The following DIPK1C variants were observed in gnomAD, a reference collection of about 807,000 sequenced individuals.
DIPK1C encodes divergent protein kinase domain 1C.
DIPK1C carries 33 observed loss-of-function variants against 28.0 expected under a neutral mutation model. The ratio of observed to expected loss-of-function variants is 1.18; its 90% CI spans 0.89 to 1.58. DIPK1C has a LOEUF of 1.58. Ranked by LOEUF, DIPK1C falls within the 40% of genes most tolerant of loss-of-function variation. DIPK1C has a pLI of 0.00. For missense variants in DIPK1C, 569 were observed against 568.5 expected (o/e 1.00, Z -0.01); for synonymous variants, 255 against 248.8 (o/e 1.02, Z -0.23).
intron 2 of DIPK1C, among the ~76,000 whole-genome samples, chr18:74,442,621 G>A (rs1463640257): frequency 1.3e-5 from 2 of 152,208 alleles, no homozygotes; most frequent in Non-Finnish European, 1.5e-5. Flanking sequence ...GAGCCACCGT[G>A]CCCGGCCGCA....
At chr18:74,443,064 C>T (rs1003190946) in intron 2 of DIPK1C, among the ~76,000 whole-genome samples, 2 of 152,122 alleles carry the variant, frequency 1.3e-5, no homozygotes, top group South Asian at 4.1e-4. Context: ...TCAAAGTTAT[C>T]GAATTAGGAC....
In DIPK1C at chr18:74,455,725, T is replaced by TTAA. The variant is rs1555699585; in HGVS notation, c.198+1336_198+1337insTTA. On this transcript the variant is annotated intron_variant, in intron 1 of 3. Transcript: ENST00000343998. ...CCTGGGAGACAAGAGCAAAACTCCATAAAAAAAAAAGAAAAAGAAAAAGAA... is the reference window on the plus strand; with the variant it reads ...CCTGGGAGACAAGAGCAAAACTCCATTAAAAAAAAAAAAGAAAAAGAAAAAGAA... Among the ~76,000 whole-genome samples, 60 of 116,168 alleles carry TTAA rather than the reference T, an allele frequency of 5.2e-4. 1 individual carries two copies. The highest frequency in any genetic ancestry group is 1.9e-3 in the African/African-American group (58 of 30,486). The allele number at this position is 116,168 out of a possible 152,430, so 76.2% of individuals were successfully genotyped here.
At chr18:74,441,673 T>C (rs1437482442) in intron 3 of DIPK1C, among the ~76,000 whole-genome samples, 1 of 152,146 alleles carries the variant, frequency 6.6e-6, no homozygotes, top group East Asian at 1.9e-4. Flanking sequence ...AGGTTGTAGA[T>C]ACGTGGGGTG....
intron 3 of DIPK1C, among the ~76,000 whole-genome samples, chr18:74,441,540 ATGG>A (rs1474863595): frequency 6.6e-6 from 1 of 152,008 alleles, no homozygotes; most frequent in Non-Finnish European, 1.5e-5. Context: ...GCCTGTCTGG[ATGG>A]TGGTTTCTGT....
chr18:74,447,413 C>T lies in DIPK1C; in HGVS notation c.199-130G>A, dbSNP rs1986299524. The T allele has an allele frequency of 1.0e-5, 10 of 970,588 alleles. No homozygotes were observed. The highest frequency in any genetic ancestry group is 1.5e-5 in the Non-Finnish European group (10 of 679,102). The allele number at this position is 970,588 out of a possible 1,614,324, so 60.1% of individuals were successfully genotyped here. On this transcript the variant is annotated intron_variant, in intron 1 of 3. Coordinates refer to ENST00000343998, the MANE Select transcript of DIPK1C (RefSeq NM_001044369.3). This position sits in a 1 kb window ranked among gnomAD's most constrained non-coding sequence, Gnocchi z 4.1. ...TGATAATCCAGCTGTGCAGAGAAAC[C>T]TCAGCCCTGTGGATCTCAGAGGCCA...
At chr18:74,449,556 C>T (rs1362188342) in intron 1 of DIPK1C, among the ~76,000 whole-genome samples, 1 of 152,238 alleles carries the variant, frequency 6.6e-6, no homozygotes, top group African/African-American at 2.4e-5. Flanking sequence ...CCCCTGGCTT[C>T]CTGCTGCGGG....
chr18:74,454,703 C>T (rs534606751), intron 1 of DIPK1C, among the ~76,000 whole-genome samples: 2 of 152,286 alleles, frequency 1.3e-5, no homozygotes, highest in East Asian at 3.9e-4. Context: ...TTCAAGTCCT[C>T]GGAAGCCACA....
At position 74,456,959 on chromosome 18, in the gene DIPK1C, G is replaced by A. The variant is rs571930424; in HGVS notation, c.198+103C>T. ...TGTCGGGAACCCATGTCCCCGGCGG[G>A]TGCCACCGCCACCCAAGTCCCCGGG... On this transcript the variant is annotated intron_variant, in intron 1 of 3. Coordinates refer to ENST00000343998, the MANE Select transcript of DIPK1C (RefSeq NM_001044369.3). 8.3e-6 allele frequency: 10 copies of A among 1,202,466 alleles called. No individual in the cohort carries two copies. In the African/African-American group the frequency reaches 1.5e-4, roughly 17 times the overall value. The allele number at this position is 1,202,466 out of a possible 1,614,324, so 74.5% of individuals were successfully genotyped here. A position where few individuals can be genotyped will look rare whatever the true frequency, so the allele number is the denominator to read the frequency against.
upstream of DIPK1C, among the ~76,000 whole-genome samples, chr18:74,457,444 C>T (rs1473490395): frequency 6.6e-6 from 1 of 151,766 alleles, no homozygotes; most frequent in Non-Finnish European, 1.5e-5. Flanking sequence ...GCAGCAACAC[C>T]CCGCGCGCCC....
chr18:74,457,046 C>G lies in DIPK1C; in HGVS notation c.198+16G>C, dbSNP rs956475061. 1.1e-5 allele frequency: 16 copies of G among 1,432,646 alleles called. No individual in the cohort carries two copies. Among genetic ancestry groups the G allele is most frequent in the Non-Finnish European group, 1.5e-5 (16 of 1,102,456 alleles). The allele number at this position is 1,432,646 out of a possible 1,614,324, so 88.7% of individuals were successfully genotyped here. ...CCCGGACGCGCGGCGCGGGGCAGAG[C>G]GGCGGCGGGACCTACCAGCGCGGCC... is the stretch of plus-strand genomic sequence containing the variant. On this transcript the variant is annotated intron_variant, in intron 1 of 3. Transcript: ENST00000343998.
chr18:74,454,708 G>A (rs142145318), intron 1 of DIPK1C, among the ~76,000 whole-genome samples: 256 of 152,320 alleles, frequency 1.7e-3, no homozygotes, highest in African/African-American at 5.8e-3. Context: ...GTCCTCGGAA[G>A]CCACAATGCC....
chr18:74,456,935 G>C, intron 1 of DIPK1C, 127 bp downstream of exon 1: 2 of 1,040,356 alleles, frequency 1.9e-6, no homozygotes, highest in Non-Finnish European at 2.5e-6. Flanking sequence ...CCACGCAGGT[G>C]TCGGGAACCC....
At chr18:74,455,003 G>C (rs1986474995) in intron 1 of DIPK1C, among the ~76,000 whole-genome samples, 1 of 152,158 alleles carries the variant, frequency 6.6e-6, no homozygotes, top group African/African-American at 2.4e-5. Flanking sequence ...CGACACCTAG[G>C]GAGATGGATG....
intron 1 of DIPK1C, among the ~76,000 whole-genome samples, chr18:74,456,626 C>A (rs1199010444): frequency 4.6e-5 from 7 of 152,196 alleles, no homozygotes; most frequent in Non-Finnish European, 8.8e-5. Flanking sequence ...GCGGGCTGGG[C>A]TGGAGCGCTG....
rs937037453 is a variant in DIPK1C, at chr18:74,452,913, A to G, written c.198+4149T>C. 3.3e-5 allele frequency among the ~76,000 whole-genome samples: 5 copies of G among 152,174 alleles called. No individual in the cohort carries two copies. In the East Asian group the frequency reaches 9.6e-4, roughly 29 times the overall value. On this transcript the variant is annotated intron_variant, in intron 1 of 3. Transcript: ENST00000343998. ...CTAAGGCCAGCTTAAAGACAGGTAC[A>G]TTTTTGTACCCAAATGTGTGCGCAT...
At chr18:74,444,056 A>AAC (rs1986205993) in intron 2 of DIPK1C, among the ~76,000 whole-genome samples, 2 of 152,070 alleles carry the variant, frequency 1.3e-5, no homozygotes, top group African/African-American at 4.8e-5. Flanking sequence ...TAAAAAAAAA[A>AAC]ACAGAAAAAC....
intron 1 of DIPK1C, among the ~76,000 whole-genome samples, chr18:74,451,952 G>A (rs891758414): frequency 6.6e-6 from 1 of 152,282 alleles, no homozygotes; most frequent in East Asian, 1.9e-4. Flanking sequence ...GAGCATCATC[G>A]CTTAGCCCAG....
chr18:74,451,071 G>C (rs1568265417), intron 1 of DIPK1C, among the ~76,000 whole-genome samples: 1 of 152,176 alleles, frequency 6.6e-6, no homozygotes, highest in Non-Finnish European at 1.5e-5. Context: ...GGGGGCCGGG[G>C]CATCTTCTTC....
chr18:74,464,402 A>G, the DIPK1C span, among the ~76,000 whole-genome samples: 1 of 152,236 alleles, frequency 6.6e-6, no homozygotes, highest in African/African-American at 2.4e-5. Flanking sequence ...TCACAACAAA[A>G]TTAAGAAGGT....
Sources: gnomAD v4.1 joint callset for allele counts (sites outside exome capture counted in the v4.1 genomes callset) on GRCh38, gnomAD v4.1.1 for gene constraint, Gnocchi (gnomAD v3.1) non-coding constraint, MANE v1.5 for transcripts, NCBI Gene and HGNC (gene_info 2026-07-23, HGNC 2026-07-21) for gene names.